EPHA6: variants seen among roughly 807,000 people sequenced by gnomAD.
EPHA6 encodes EPH receptor A6.
EPHA6 carries 50 observed loss-of-function variants against 112.0 expected under a neutral mutation model. The observed-to-expected ratio is 0.45, with a 90% confidence interval of 0.36 to 0.56. The LOEUF is 0.56. Among genes scored for constraint, EPHA6 ranks in the 20% least tolerant of loss-of-function variants. The pLI, the probability that EPHA6 is intolerant of heterozygous loss-of-function variation, is 0.00. For synonymous variants in EPHA6, 529 were observed against 490.7 expected, an observed-to-expected ratio of 1.08 and a Z score of -1.03; for missense variants, 1,280 against 1,417.4, an observed-to-expected ratio of 0.90 and a Z score of 1.56.
chr3:96,900,695 T>A (rs2038557875), intron 2 of EPHA6, among the ~76,000 whole-genome samples: 1 of 152,222 alleles, frequency 6.6e-6, no homozygotes, highest in East Asian at 1.9e-4. Context: ...ACATGGATTG[T>A]TTTTGCCACA....
chr3:96,963,800 T>C (rs1313207059), intron 2 of EPHA6, among the ~76,000 whole-genome samples: 1 of 152,168 alleles, frequency 6.6e-6, no homozygotes, highest in African/African-American at 2.4e-5. Flanking sequence ...CGGTAATCAG[T>C]TTTTATAAAA....
chr3:97,547,569 A>G (rs986532405), intron 11 of EPHA6, among the ~76,000 whole-genome samples: 2 of 152,174 alleles, frequency 1.3e-5, no homozygotes, highest in Non-Finnish European at 2.9e-5. Flanking sequence ...GCGTGCTGGG[A>G]GAACCACTAC....
intron 3 of EPHA6, among the ~76,000 whole-genome samples, chr3:97,169,100 A>G (rs894815634): frequency 1.3e-5 from 2 of 152,134 alleles, no homozygotes; most frequent in East Asian, 3.9e-4. Flanking sequence ...ATGCTCTCAG[A>G]ATGTTCAATG....
chr3:97,476,144 A>G lies in EPHA6; in HGVS notation c.2003+684A>G, dbSNP rs141496114. The stretch of plus-strand genomic sequence containing the variant: ...ACAGACGTGAATGAAGATAATATGT[A>G]TAAAATTATATCAAAGAATAAATGT... On this transcript the variant is annotated intron_variant, in intron 8 of 17. Coordinates refer to ENST00000389672, the MANE Select transcript of EPHA6 (RefSeq NM_001080448.3). Among the ~76,000 whole-genome samples, 1,470 of 152,288 alleles carry G rather than the reference A, an allele frequency of 9.7e-3. 21 individuals are homozygous for G. The highest frequency in any genetic ancestry group is 0.032 in the African/African-American group (1,324 of 41,566).
intron 14 of EPHA6, among the ~76,000 whole-genome samples, chr3:97,691,780 A>C (rs1032423825): frequency 3.3e-5 from 5 of 152,252 alleles, no homozygotes; most frequent in African/African-American, 1.2e-4. Flanking sequence ...TGATGTAAAC[A>C]TGATTAAGTT....
chr3:97,673,956 A>C (rs192790015), intron 14 of EPHA6, among the ~76,000 whole-genome samples: 1 of 152,368 alleles, frequency 6.6e-6, no homozygotes, highest in Non-Finnish European at 1.5e-5. Context: ...ATGGCATTAA[A>C]GATTTTCTGG....
In EPHA6 at chr3:96,951,175, C is replaced by G. The variant is rs148864875; in HGVS notation, c.451-36155C>G. On this transcript the variant is annotated intron_variant, in intron 2 of 17. Coordinates refer to ENST00000389672, the MANE Select transcript of EPHA6 (RefSeq NM_001080448.3). ...TTTCTCCAGCATGGTCAGTAATATT[C>G]TGCCAACCAGAGACTAGCCCATAGT... is the stretch of plus-strand genomic sequence containing the variant. Among the ~76,000 whole-genome samples, 568 of 152,172 alleles carry G rather than the reference C, an allele frequency of 3.7e-3. 4 individuals carry two copies. The highest frequency in any genetic ancestry group is 0.013 in the African/African-American group (543 of 41,554).
intron 3 of EPHA6, among the ~76,000 whole-genome samples, chr3:97,151,017 T>C (rs1350717560): frequency 1.3e-5 from 2 of 152,180 alleles, no homozygotes; most frequent in Non-Finnish European, 2.9e-5. Flanking sequence ...AAGTTAGTCA[T>C]GGAATACTAC....
intron 5 of EPHA6, among the ~76,000 whole-genome samples, chr3:97,298,493 C>G (rs918507809): frequency 1.3e-5 from 2 of 152,130 alleles, no homozygotes; most frequent in African/African-American, 4.8e-5. Context: ...GACAGCTACT[C>G]CCTTACTTGA....
intron 2 of EPHA6, among the ~76,000 whole-genome samples, chr3:96,946,833 C>G (rs576651578): frequency 6.6e-6 from 1 of 152,236 alleles, no homozygotes; most frequent in South Asian, 2.1e-4. Flanking sequence ...CTCTCAAGCA[C>G]CTGTTGTTTC....
At chr3:97,626,896 C>T (rs1229681260) in intron 13 of EPHA6, among the ~76,000 whole-genome samples, 1 of 151,752 alleles carries the variant, frequency 6.6e-6, no homozygotes. Context: ...TAAAGTGAGG[C>T]AGTTTTAGAA....
chr3:97,403,800 C>G (rs1416730822), intron 5 of EPHA6, among the ~76,000 whole-genome samples: 4 of 152,136 alleles, frequency 2.6e-5, no homozygotes, highest in Admixed American at 1.3e-4. Context: ...AGTAAATTTG[C>G]AAGGCAAAAT....
At chr3:97,309,493 A>G (rs1381374378) in intron 5 of EPHA6, among the ~76,000 whole-genome samples, 1 of 151,644 alleles carries the variant, frequency 6.6e-6, no homozygotes, top group South Asian at 2.1e-4. Context: ...GAGGAAGTAT[A>G]AAACTCTAAT....
chr3:97,474,660 T>C (rs2091320204), intron 7 of EPHA6, among the ~76,000 whole-genome samples: 1 of 151,998 alleles, frequency 6.6e-6, no homozygotes, highest in South Asian at 2.1e-4. Flanking sequence ...GTTAAAAGAT[T>C]CCCAGAAGAT....
Position 97,518,428 on chromosome 3 carries a change from G to C in EPHA6, c.2201-13930G>C, listed in dbSNP as rs569680604. Among the ~76,000 whole-genome samples the C allele has an allele frequency of 2.8e-4, 42 of 151,912 alleles. No homozygotes were observed. The Middle Eastern group carries it at 0.014, about 49-fold the overall frequency. ...TAAATAGTGCTGCAATAAACATGGC[G>C]GTTCAGGTATCTTTAGACATACTGA... On this transcript the variant is annotated intron_variant, in intron 10 of 17. Coordinates refer to ENST00000389672, the MANE Select transcript of EPHA6 (RefSeq NM_001080448.3).
chr3:97,257,860 G>A (rs946704827), intron 5 of EPHA6, among the ~76,000 whole-genome samples: 7 of 152,028 alleles, frequency 4.6e-5, no homozygotes, highest in Non-Finnish European at 7.4e-5. Context: ...ATTGTGTTAA[G>A]TGTAGCAGGA....
At chr3:97,620,054 G>C (rs918040709) in intron 13 of EPHA6, among the ~76,000 whole-genome samples, 1 of 152,002 alleles carries the variant, frequency 6.6e-6, no homozygotes, top group Non-Finnish European at 1.5e-5. Context: ...GCATGGTACT[G>C]GTACAAGAAC....
intron 3 of EPHA6, among the ~76,000 whole-genome samples, chr3:97,011,428 A>G (rs2044081173): frequency 1.3e-5 from 2 of 152,188 alleles, no homozygotes; most frequent in Non-Finnish European, 2.9e-5. Flanking sequence ...TAGCCTTTGG[A>G]CATTTCAAGC....
intron 2 of EPHA6, among the ~76,000 whole-genome samples, chr3:96,964,873 G>A (rs2107763165): frequency 6.6e-6 from 1 of 152,198 alleles, no homozygotes; most frequent in African/African-American, 2.4e-5. Flanking sequence ...CAATAGTATT[G>A]TCAAAAGAAA....
Sources: gnomAD v4.1 joint callset for allele counts (sites outside exome capture counted in the v4.1 genomes callset) on GRCh38, gnomAD v4.1.1 for gene constraint, MANE v1.5 for transcripts, NCBI Gene and HGNC (gene_info 2026-07-23, HGNC 2026-07-21) for gene names.